MRPS27: variants seen among roughly 807,000 people sequenced by gnomAD.
MRPS27 encodes the protein mitochondrial ribosomal protein S27.
In MRPS27, 43 loss-of-function variants were observed where a neutral mutation model predicts 48.9. The ratio of observed to expected loss-of-function variants is 0.88; its 90% CI spans 0.69 to 1.13. The LOEUF is 1.13. Among genes scored for constraint, MRPS27 ranks in the 50% most tolerant of loss-of-function variants. The probability of loss-of-function intolerance (pLI) is 0.00; values close to 1 mark genes in which losing one functional copy is unlikely to be tolerated. For missense variants in MRPS27, 467 were observed against 476.3 expected, an observed-to-expected ratio of 0.98 and a Z score of 0.18; for synonymous variants, 188 against 171.9, an observed-to-expected ratio of 1.09 and a Z score of -0.73.
In MRPS27 at chr5:72,223,741, T is replaced by C; in HGVS notation, c.947A>G (p.Gln316Arg). The change falls in exon 10 of 11, where the codon CAG (glutamine) becomes CGG (arginine). Residue 316 changes from glutamine (Q) to arginine (R), a missense_variant. Gln to Arg is a conservative substitution (Grantham distance 43). Transcript: ENST00000261413. ...DNQGSEKLVE[Q>R]LDIEETEQSK... Reference sequence around the variant, plus strand: ...CTGCTCTGTTTCCTCGATGTCTAACTGCTCCACCAGTTTTTCTGACCCCTG... The same window carrying C: ...CTGCTCTGTTTCCTCGATGTCTAACCGCTCCACCAGTTTTTCTGACCCCTG... The C allele has an allele frequency of 2.5e-6, 4 of 1,614,076 alleles. No homozygotes were observed. Among genetic ancestry groups the C allele is most frequent in the Non-Finnish European group, 3.4e-6 (4 of 1,179,948 alleles).
rs575202779 is a variant in MRPS27 at position 72,294,474 on chromosome 5, T to C, written c.281+1057A>G. The C allele has an allele frequency of 3.3e-5, 5 of 152,320 alleles. No individual in the cohort carries two copies. The South Asian group carries it at 1.0e-3, about 32-fold the overall frequency. 9.4% of individuals were successfully genotyped at this position (152,320 alleles called of 1,614,324 possible). ...GAGTCTATTTTTGGAACATAGGAAC[T>C]GGAACAAATCACAAATCAGATTTTT... On this transcript the variant is annotated intron_variant, in intron 4 of 10. Coordinates refer to ENST00000261413, the MANE Select transcript of MRPS27 (RefSeq NM_015084.3).
At chr5:72,272,155 T>C (rs1749265036) in intron 4 of MRPS27, among the ~76,000 whole-genome samples, 1 of 152,194 alleles carries the variant, frequency 6.6e-6, no homozygotes. Context: ...CTAAGGCCTA[T>C]GGGATACTTT....
chr5:72,245,403 T>C (rs922438974), intron 4 of MRPS27, among the ~76,000 whole-genome samples: 5 of 152,214 alleles, frequency 3.3e-5, no homozygotes, highest in African/African-American at 1.2e-4. Context: ...TTATGAGCAA[T>C]AAATGAGCCA....
chr5:72,250,787 A>G (rs1748644608), intron 4 of MRPS27, among the ~76,000 whole-genome samples: 1 of 152,234 alleles, frequency 6.6e-6, no homozygotes. Context: ...ATTTTTAAAG[A>G]CAAGGTCTCA....
chr5:72,231,452 T>G (rs1748063269), intron 7 of MRPS27, among the ~76,000 whole-genome samples: 2 of 152,186 alleles, frequency 1.3e-5, no homozygotes, highest in African/African-American at 4.8e-5. Context: ...GCAGTGTTCA[T>G]GATAGTCATA....
intron 4 of MRPS27, among the ~76,000 whole-genome samples, chr5:72,288,587 G>C (rs749714496): frequency 6.6e-6 from 1 of 152,146 alleles, no homozygotes; most frequent in Non-Finnish European, 1.5e-5. Flanking sequence ...CCAACGATCT[G>C]CTATTTTCCA....
At chr5:72,234,433 T>A (rs1748148094) in intron 5 of MRPS27, among the ~76,000 whole-genome samples, 1 of 151,796 alleles carries the variant, frequency 6.6e-6, no homozygotes, top group Non-Finnish European at 1.5e-5. Flanking sequence ...ACTGATAATG[T>A]AAAAACTAAG....
At chr5:72,305,450 T>A (rs529488483) in intron 2 of MRPS27, among the ~76,000 whole-genome samples, 1 of 151,570 alleles carries the variant, frequency 6.6e-6, no homozygotes, top group South Asian at 2.1e-4. Flanking sequence ...GAAGTGTCTG[T>A]AAGAGACAGA....
Position 72,279,471 on chromosome 5 carries a change from A to G in MRPS27, c.281+16060T>C, listed in dbSNP as rs958495362. 4.6e-5 allele frequency among the ~76,000 whole-genome samples: 7 copies of G among 152,156 alleles called. No homozygotes were observed. The South Asian group carries it at 1.4e-3, about 31-fold the overall frequency. On this transcript the variant is annotated intron_variant, in intron 4 of 10. Transcript: ENST00000261413. ...TTAAAATTTTAATGCATTAAACCTT[A>G]TCAGAGCAGGTGCAGTGGCTCACGC...
chr5:72,317,113 G>A (rs1750585742), intron 1 of MRPS27, among the ~76,000 whole-genome samples: 1 of 151,144 alleles, frequency 6.6e-6, no homozygotes, highest in South Asian at 2.1e-4. Flanking sequence ...CAACTAGATA[G>A]CATGGGGGCT....
At chr5:72,246,760 AGAG>A (rs1490580505) in intron 4 of MRPS27, among the ~76,000 whole-genome samples, 1 of 152,212 alleles carries the variant, frequency 6.6e-6, no homozygotes, top group East Asian at 1.9e-4. Context: ...TTTACTTTAT[AGAG>A]GAGGAATCTT....
At chr5:72,280,197 T>G (rs1165095516) in intron 4 of MRPS27, among the ~76,000 whole-genome samples, 2 of 152,218 alleles carry the variant, frequency 1.3e-5, no homozygotes, top group Non-Finnish European at 2.9e-5. Context: ...GTCTTAGCTA[T>G]TCTTGGTTTT....
In MRPS27 at chr5:72,264,426, A is replaced by G. The variant is rs192846836; in HGVS notation, c.282-26298T>C. 6.4e-3 allele frequency among the ~76,000 whole-genome samples: 939 copies of G among 147,614 alleles called. 9 individuals are homozygous for G. Among genetic ancestry groups the G allele is most frequent in the Admixed American group, 9.4e-3 (138 of 14,620 alleles). On this transcript the variant is annotated intron_variant, in intron 4 of 10. Coordinates refer to ENST00000261413, the MANE Select transcript of MRPS27 (RefSeq NM_015084.3). ...CTGAATTTCATTTTTAAAAAAAAAG[A>G]GAGAGAGACTTACAAATTGAATTGT... is the stretch of plus-strand genomic sequence containing the variant.
At chr5:72,275,845 G>C (rs1425739521) in intron 4 of MRPS27, among the ~76,000 whole-genome samples, 2 of 152,048 alleles carry the variant, frequency 1.3e-5, no homozygotes, top group Non-Finnish European at 2.9e-5. Flanking sequence ...AGATAGGGTG[G>C]GCACGTAAAG....
At chr5:72,294,889 T>C (rs1277175286) in intron 4 of MRPS27, 1 of 152,052 alleles carries the variant, frequency 6.6e-6, no homozygotes, top group Non-Finnish European at 1.5e-5. Context: ...AACATGATGT[T>C]CAAAGGAAAT....
At chr5:72,271,745 G>A (rs2112018385) in intron 4 of MRPS27, among the ~76,000 whole-genome samples, 1 of 152,282 alleles carries the variant, frequency 6.6e-6, no homozygotes, top group South Asian at 2.1e-4. Flanking sequence ...AATCCGTAAA[G>A]TTCAAATAAT....
At chr5:72,317,719 T>G (rs1750600168) in intron 1 of MRPS27, among the ~76,000 whole-genome samples, 1 of 146,624 alleles carries the variant, frequency 6.8e-6, no homozygotes, top group East Asian at 2.1e-4. Context: ...ATGGAGTATC[T>G]CTCTGTTGCC....
At chr5:72,233,046 A>G (rs953561932) in intron 6 of MRPS27, among the ~76,000 whole-genome samples, 7 of 152,140 alleles carry the variant, frequency 4.6e-5, no homozygotes, top group African/African-American at 1.4e-4. Context: ...TGACTGCCCT[A>G]TTCTCTGCTC....
At chr5:72,305,296 T>C (rs959358073) in intron 2 of MRPS27, among the ~76,000 whole-genome samples, 1 of 151,784 alleles carries the variant, frequency 6.6e-6, no homozygotes, top group East Asian at 1.9e-4. Flanking sequence ...GAGATGCAAA[T>C]ACAGAACTGA....
Sources: gnomAD v4.1 joint callset for allele counts (sites outside exome capture counted in the v4.1 genomes callset) on GRCh38, gnomAD v4.1.1 for gene constraint, MANE v1.5 for transcripts, NCBI Gene and HGNC (gene_info 2026-07-23, HGNC 2026-07-21) for gene names.